Variants in ST3GAL2 observed in about 807,000 individuals in gnomAD.
ST3GAL2 encodes the protein CMP-N-acetylneuraminate-beta-galactosamide-alpha-2,3-sialyltransferase 2.
ST3GAL2 carries 16 observed loss-of-function variants against 37.5 expected under a neutral mutation model. That is an observed-to-expected ratio of 0.43 (90% confidence interval 0.29 to 0.65). ST3GAL2 has a LOEUF of 0.65. Among genes scored for constraint, ST3GAL2 ranks in the 30% least tolerant of loss-of-function variants. The pLI is 0.17. For missense variants in ST3GAL2, 383 were observed against 487.8 expected, an observed-to-expected ratio of 0.79 and a Z score of 2.02; for synonymous variants, 238 against 202.9, an observed-to-expected ratio of 1.17 and a Z score of -1.47.
chr16:70,427,407 C>T (rs1044396839), intron 1 of ST3GAL2, among the ~76,000 whole-genome samples: 7 of 149,444 alleles, frequency 4.7e-5, no homozygotes, highest in Non-Finnish European at 7.4e-5. Context: ...GGTGCGATCT[C>T]GGCTCACTGC....
At chr16:70,387,011 C>T (rs760149208) in intron 4 of ST3GAL2, among the ~76,000 whole-genome samples, 8 of 150,748 alleles carry the variant, frequency 5.3e-5, no homozygotes, top group South Asian at 2.1e-4. Context: ...CCCAGCACTT[C>T]GGGAGGCCAA....
In ST3GAL2 at chr16:70,398,736, C is replaced by T. The variant is rs186069375; in HGVS notation, c.-206G>A. ...GTTGGCAGGAGTGGCTGTCCTGTCC[C>T]TGAGTCAGGCGGGGCCCCTGCTTAG... On this transcript the variant is annotated 5_prime_UTR_variant, in exon 2 of 7. Coordinates refer to ENST00000342907, the MANE Select transcript of ST3GAL2 (RefSeq NM_006927.4). The T allele has an allele frequency of 3.3e-6, 2 of 610,388 alleles. No homozygotes were observed. Among genetic ancestry groups the T allele is most frequent in the Admixed American group, 5.9e-5 (2 of 33,846 alleles). 37.8% of individuals were successfully genotyped at this position (610,388 alleles called of 1,614,324 possible).
chr16:70,382,826 A>C lies in ST3GAL2; in HGVS notation c.858T>G (p.Phe286Leu). ...YPSTGMLVLF[F>L]ALHVCDEVNV... Reference sequence around the variant, plus strand: ...CCACCTCATCACACACATGCAGGGCAAAGAAAAGCACCAGCATCCCCGTGG... The same window carrying C: ...CCACCTCATCACACACATGCAGGGCCAAGAAAAGCACCAGCATCCCCGTGG... The change falls in exon 6 of 7, where the codon TTT becomes TTG. Residue 286 changes from phenylalanine to leucine, a missense_variant. By Grantham distance (22) the Phe-to-Leu change is conservative (BLOSUM62 0). Coordinates refer to ENST00000342907, the MANE Select transcript of ST3GAL2 (RefSeq NM_006927.4). 1 of 1,614,138 alleles carries C rather than the reference A, an allele frequency of 6.2e-7. No individual in the cohort carries two copies.
At chr16:70,426,484 G>C (rs2151678501) in intron 1 of ST3GAL2, among the ~76,000 whole-genome samples, 1 of 150,854 alleles carries the variant, frequency 6.6e-6, no homozygotes, top group South Asian at 2.1e-4. Context: ...ACAGGTGTGA[G>C]CCACCACACC....
intron 1 of ST3GAL2, among the ~76,000 whole-genome samples, chr16:70,407,284 G>T (rs904107606): frequency 6.6e-6 from 1 of 152,010 alleles, no homozygotes; most frequent in Non-Finnish European, 1.5e-5. Flanking sequence ...GGCACTATAG[G>T]CCCGTGCCAC....
rs2047537579 is a variant in ST3GAL2 at position 70,399,052 on chromosome 16, T to G, written c.-522A>C. The G allele has an allele frequency of 2.5e-6, 1 of 401,952 alleles. No homozygotes were observed. The highest frequency in any genetic ancestry group is 1.2e-4 in the South Asian group (1 of 8,118). 24.9% of individuals were successfully genotyped at this position (401,952 alleles called of 1,614,324 possible). Reference sequence around the variant, plus strand: ...GGGGCTTCAGGGGACTTGGGTTCCATGCAAGTGTTGTCCCACCTCCTGGCC... The same window carrying G: ...GGGGCTTCAGGGGACTTGGGTTCCAGGCAAGTGTTGTCCCACCTCCTGGCC... On this transcript the variant is annotated 5_prime_UTR_variant, in exon 2 of 7. An upstream start codon of the reference 5' UTR is lost. Transcript: ENST00000342907.
Position 70,395,098 on chromosome 16 carries a change from G to A in ST3GAL2, c.417C>T (p.Asn139=). 2 of 1,613,938 alleles carry A rather than the reference G, an allele frequency of 1.2e-6. No individual in the cohort carries two copies. The highest frequency in any genetic ancestry group is 1.7e-6 in the Non-Finnish European group (2 of 1,179,940). The change falls in exon 3 of 7, where the codon AAC becomes AAT. Residue 139 remains asparagine (N), a synonymous_variant. Transcript: ENST00000342907. ...EKLFQIVPGE[N]PYRFRDPHQC... ...GGTGGGGGTCCCGGAAGCGGTAGGG[G>A]TTCTCGCCAGGCACTATCTGGAACA...
At chr16:70,412,459 C>T (rs1008348462) in intron 1 of ST3GAL2, among the ~76,000 whole-genome samples, 1 of 151,988 alleles carries the variant, frequency 6.6e-6, no homozygotes, top group African/African-American at 2.4e-5. Context: ...ACCTGGGCAA[C>T]ACGACAACAC....
intron 3 of ST3GAL2, among the ~76,000 whole-genome samples, chr16:70,392,049 C>T (rs927217221): frequency 6.6e-6 from 1 of 152,226 alleles, no homozygotes; most frequent in Non-Finnish European, 1.5e-5. Flanking sequence ...GACTTGGCAG[C>T]CTGAGCTGTC....
intron 1 of ST3GAL2, among the ~76,000 whole-genome samples, chr16:70,416,887 T>C (rs61369696): frequency 0.079 from 12,019 of 152,082 alleles, 1,455 homozygotes; most frequent in African/African-American, 0.27. Context: ...AACAAACACC[T>C]GGCACGGCTG....
rs566376091 is a variant in ST3GAL2, at chr16:70,379,347, G to A, written c.*2342C>T. ...TCAGATTTCAGTGTCTTGGAGCGCA[G>A]AGTCCAGGAATGAGGTGCCTCCTGT... On this transcript the variant is annotated 3_prime_UTR_variant, in exon 7 of 7. Transcript: ENST00000342907. 18 of 152,308 alleles carry A rather than the reference G, an allele frequency of 1.2e-4. No individual in the cohort carries two copies. Among genetic ancestry groups the A allele is most frequent in the African/African-American group, 4.3e-4 (18 of 41,558 alleles). The allele number at this position is 152,308 out of a possible 1,614,324, so 9.4% of individuals were successfully genotyped here.
intron 3 of ST3GAL2, among the ~76,000 whole-genome samples, chr16:70,391,912 G>A (rs1389637509): frequency 6.6e-6 from 1 of 152,194 alleles, no homozygotes; most frequent in African/African-American, 2.4e-5. Flanking sequence ...CCCAGCCAAG[G>A]TGTACACTTG....
intron 1 of ST3GAL2, among the ~76,000 whole-genome samples, chr16:70,423,407 G>C (rs1436240951): frequency 1.3e-5 from 2 of 152,154 alleles, no homozygotes; most frequent in African/African-American, 4.8e-5. Context: ...CTACTGGGGA[G>C]GCTGAGGCAG....
rs1472101278 is a variant in ST3GAL2, at chr16:70,424,673, TG to T, written c.-1004+14275del. Among the ~76,000 whole-genome samples the T allele has an allele frequency of 7.2e-5, 11 of 152,196 alleles. No individual in the cohort carries two copies. The East Asian group carries it at 2.1e-3, about 29-fold the overall frequency. On this transcript the variant is annotated intron_variant, in intron 1 of 6. Coordinates refer to ENST00000342907, the MANE Select transcript of ST3GAL2 (RefSeq NM_006927.4). ...TGAAATGGAAAATGGTTGCACATGG[TG>T]TAAGACTGTATCATTTGAACTTCTT...
rs1429314723 is a variant in ST3GAL2, at chr16:70,379,994, T to C, written c.*1695A>G. 2 of 152,172 alleles carry C rather than the reference T, an allele frequency of 1.3e-5. No individual in the cohort carries two copies. The highest frequency in any genetic ancestry group is 2.4e-5 in the African/African-American group (1 of 41,432). 9.4% of individuals were successfully genotyped at this position (152,172 alleles called of 1,614,324 possible). On this transcript the variant is annotated 3_prime_UTR_variant, in exon 7 of 7. Transcript: ENST00000342907. ...AGAAATAAATTATTCTGCTCAATACTGTTTGGCATAATTGCATTGCTTTTC... is the reference window on the plus strand; with the variant it reads ...AGAAATAAATTATTCTGCTCAATACCGTTTGGCATAATTGCATTGCTTTTC...
rs2047394858 is a variant in ST3GAL2, at chr16:70,380,735, A to G, written c.*954T>C. The G allele has an allele frequency of 6.5e-6, 1 of 152,742 alleles. No individual in the cohort carries two copies. 9.5% of individuals were successfully genotyped at this position (152,742 alleles called of 1,614,324 possible). ...GCCCCAGGCAAAGTTACCCCCAGGCAAGAGGCGATGGGTGGAGGAGGAGGT... is the reference window on the plus strand; with the variant it reads ...GCCCCAGGCAAAGTTACCCCCAGGCGAGAGGCGATGGGTGGAGGAGGAGGT... On this transcript the variant is annotated 3_prime_UTR_variant, in exon 7 of 7. Transcript: ENST00000342907.
intron 1 of ST3GAL2, among the ~76,000 whole-genome samples, chr16:70,431,985 A>ATATATTTTTTTTTT (rs1454729972): frequency 3.6e-5 from 5 of 139,014 alleles, no homozygotes; most frequent in African/African-American, 1.6e-4. Context: ...ATATATATAT[A>ATATATTTTTTTTTT]TTTTTTTTTA....
chr16:70,434,007 G>C (rs1231707812), intron 1 of ST3GAL2, among the ~76,000 whole-genome samples: 1 of 152,078 alleles, frequency 6.6e-6, no homozygotes, highest in Non-Finnish European at 1.5e-5. Flanking sequence ...CTCCCTATGG[G>C]GATGACTTCG....
In ST3GAL2 at chr16:70,398,543, C is replaced by A. The variant is rs767852990; in HGVS notation, c.-13G>T. On this transcript the variant is annotated 5_prime_UTR_variant, in exon 2 of 7. Coordinates refer to ENST00000342907, the MANE Select transcript of ST3GAL2 (RefSeq NM_006927.4). ...GGGAGCACTTCATGGTGCCGGCAGG[C>A]GGGTGACGGTCACCGTGGCCACTCT... is the stretch of plus-strand genomic sequence containing the variant. 6.3e-7 allele frequency: 1 copy of A among 1,576,888 alleles called. No individual in the cohort carries two copies. Among genetic ancestry groups the A allele is most frequent in the South Asian group, 1.1e-5 (1 of 88,342 alleles).
Sources: allele counts gnomAD v4.1 joint callset (sites outside exome capture counted in the v4.1 genomes callset), GRCh38; gene constraint gnomAD v4.1.1; transcripts MANE v1.5; gene names NCBI Gene and HGNC (gene_info 2026-07-23, HGNC 2026-07-21).